Variants in PDE9A observed in about 807,000 individuals in gnomAD.
The protein encoded by PDE9A is high affinity cGMP-specific 3',5'-cyclic phosphodiesterase 9A.
Under a neutral mutation model 87.4 loss-of-function variants are expected in PDE9A, and 60 were observed. The ratio of observed to expected loss-of-function variants is 0.69; its 90% confidence interval spans 0.56 to 0.85. The LOEUF is 0.85. PDE9A is among the 40% of genes least tolerant of loss of function. The pLI, the probability that PDE9A is intolerant of heterozygous loss-of-function variation, is 0.00. For missense variants in PDE9A, 665 were observed against 779.0 expected (o/e 0.85, Z 1.74); for synonymous variants, 272 against 279.4 (o/e 0.97, Z 0.27).
At chr21:42,691,007 C>A (rs991774211) in intron 3 of PDE9A, among the ~76,000 whole-genome samples, 3 of 151,540 alleles carry the variant, frequency 2.0e-5, no homozygotes, top group African/African-American at 7.3e-5. Flanking sequence ...CCTTCACTAT[C>A]ACCATCCAAA....
chr21:42,654,100 G>GT (rs917979897), intron 1 of PDE9A, among the ~76,000 whole-genome samples: 14 of 152,132 alleles, frequency 9.2e-5, no homozygotes, highest in African/African-American at 3.1e-4. Context: ...GCGGGCTAGT[G>GT]TTTCCGTTTC....
chr21:42,676,512 T>C (rs1271262129), intron 1 of PDE9A, among the ~76,000 whole-genome samples: 2 of 152,234 alleles, frequency 1.3e-5, no homozygotes, highest in African/African-American at 4.8e-5. Flanking sequence ...GAATATTATA[T>C]AAATGGGATT....
chr21:42,719,009 G>A (rs1178496426), intron 4 of PDE9A, among the ~76,000 whole-genome samples: 1 of 150,598 alleles, frequency 6.6e-6, no homozygotes, highest in Non-Finnish European at 1.5e-5. Flanking sequence ...TGACCCTTCT[G>A]TGGTTTTAGT....
chr21:42,728,445 T>C (rs2051366859), intron 4 of PDE9A, among the ~76,000 whole-genome samples: 1 of 152,218 alleles, frequency 6.6e-6, no homozygotes, highest in Non-Finnish European at 1.5e-5. Context: ...ATGAATTAGT[T>C]AATATGATCA....
rs1156647370 is a variant in PDE9A at position 42,658,170 on chromosome 21, T to G, written c.69+4287T>G. On this transcript the variant is annotated intron_variant, in intron 1 of 19. Transcript: ENST00000291539. ...TCTGCCCAGGCCTTCTCGTGATGCT[T>G]CCACCCAGCCTGGTCCTGGCACCCA... Among the ~76,000 whole-genome samples the G allele has an allele frequency of 1.3e-5, 2 of 152,090 alleles. 1 individual carries two copies. Among genetic ancestry groups the G allele is most frequent in the Non-Finnish European group, 2.9e-5 (2 of 67,992 alleles).
At chr21:42,697,189 C>A (rs78011957) in intron 3 of PDE9A, among the ~76,000 whole-genome samples, 1 of 152,096 alleles carries the variant, frequency 6.6e-6, no homozygotes, top group Non-Finnish European at 1.5e-5. Flanking sequence ...TCCACAGTGC[C>A]CGGCTCTCCC....
In PDE9A at chr21:42,768,666, A is replaced by T. The variant is rs2056626590; in HGVS notation, c.1462-361A>T. The T allele has an allele frequency of 5.1e-6, 5 of 985,344 alleles. No individual in the cohort carries two copies. In the East Asian group the frequency reaches 4.5e-4, roughly 89 times the overall value. 61.0% of individuals were successfully genotyped at this position (985,344 alleles called of 1,614,324 possible). A position where few individuals can be genotyped will look rare whatever the true frequency, so the allele number is the denominator to read the frequency against. The stretch of plus-strand genomic sequence containing the variant: ...CAGCTCACACAGATGGCCACGGGGA[A>T]GGTCGGGGACATAGAAAACCAAGCC... On this transcript the variant is annotated intron_variant, in intron 16 of 19. Transcript: ENST00000291539.
chr21:42,661,474 G>T (rs570592990), intron 1 of PDE9A, among the ~76,000 whole-genome samples: 1 of 135,550 alleles, frequency 7.4e-6, no homozygotes, highest in South Asian at 2.6e-4. Context: ...CCTCACAGAA[G>T]TGGAATCACA....
chr21:42,750,970 A>G (rs2054356260), intron 8 of PDE9A, 146 bp from the exon 9 acceptor site: 5 of 678,776 alleles, frequency 7.4e-6, no homozygotes, highest in Non-Finnish European at 1.1e-5. Flanking sequence ...GCTTCGAGTG[A>G]GTTGCTGCTG....
chr21:42,662,676 G>A (rs1290783239), intron 1 of PDE9A, among the ~76,000 whole-genome samples: 5 of 110,414 alleles, frequency 4.5e-5, no homozygotes, highest in African/African-American at 1.1e-4. Flanking sequence ...CCACGCACAC[G>A]CACTGCACAC....
chr21:42,670,804 C>T (rs943309569), intron 1 of PDE9A, among the ~76,000 whole-genome samples: 2 of 152,144 alleles, frequency 1.3e-5, no homozygotes, highest in South Asian at 2.1e-4. Context: ...CATTCACTCA[C>T]ACATACATTC....
intron 3 of PDE9A, among the ~76,000 whole-genome samples, chr21:42,691,478 C>G (rs1194229489): frequency 6.6e-6 from 1 of 151,742 alleles, no homozygotes; most frequent in African/African-American, 2.4e-5. Flanking sequence ...AGTACCACCA[C>G]CATCCAAAAT....
rs1005126173 is a variant in PDE9A, at chr21:42,704,992, A to C, written c.262+5981A>C. 1.2e-4 allele frequency among the ~76,000 whole-genome samples: 18 copies of C among 152,258 alleles called. No homozygotes were observed. Among genetic ancestry groups the C allele is most frequent in the African/African-American group, 4.1e-4 (17 of 41,472 alleles). On this transcript the variant is annotated intron_variant, in intron 4 of 19. Transcript: ENST00000291539. This position sits in a 1 kb window ranked among gnomAD's most constrained non-coding sequence, Gnocchi z 5.3. ...CGTGACTTTTCATAGAAAAGGGAGA[A>C]TAGGCCAGCCCTGGCCTGGGTCCAC... is the stretch of plus-strand genomic sequence containing the variant.
intron 15 of PDE9A, among the ~76,000 whole-genome samples, chr21:42,765,854 G>A (rs1232951675): frequency 1.3e-5 from 2 of 152,168 alleles, no homozygotes; most frequent in African/African-American, 4.8e-5. Context: ...CCTATGTGGG[G>A]GCAACTCCAA....
At chr21:42,670,723 TCACATACACC>T (rs2058505963) in intron 1 of PDE9A, among the ~76,000 whole-genome samples, 1 of 149,606 alleles carries the variant, frequency 6.7e-6, no homozygotes, top group African/African-American at 2.5e-5. Flanking sequence ...ACACTCACAG[TCACATACACC>T]CACATTCACA....
chr21:42,702,554 C>G lies in PDE9A; in HGVS notation c.262+3543C>G, dbSNP rs901008952. ...ATGGAATGCTGATCACAGGAATGCA[C>G]GCTGGTTCATCATCTGGTTTTGTTT... On this transcript the variant is annotated intron_variant, in intron 4 of 19. Transcript: ENST00000291539. This position sits in a 1 kb window ranked among gnomAD's most constrained non-coding sequence, Gnocchi z 4.9. 6.6e-6 allele frequency among the ~76,000 whole-genome samples: 1 copy of G among 152,152 alleles called. No homozygotes were observed. The highest frequency in any genetic ancestry group is 2.4e-5 in the African/African-American group (1 of 41,428).
chr21:42,680,622 G>A (rs546927179), intron 1 of PDE9A, among the ~76,000 whole-genome samples: 2 of 152,334 alleles, frequency 1.3e-5, no homozygotes, highest in African/African-American at 2.4e-5. Context: ...GCCATGGCCC[G>A]TACCAACCGT....
chr21:42,735,196 C>T (rs2052270339), intron 7 of PDE9A, among the ~76,000 whole-genome samples: 1 of 152,194 alleles, frequency 6.6e-6, no homozygotes, highest in African/African-American at 2.4e-5. Context: ...CGTCTCTGAG[C>T]CCCAGATGCG....
chr21:42,734,871 C>T (rs529392625), intron 7 of PDE9A, among the ~76,000 whole-genome samples: 19 of 152,304 alleles, frequency 1.2e-4, no homozygotes, highest in African/African-American at 3.4e-4. Context: ...GGGACTGGCA[C>T]CCAGGGTCCT....
Sources: allele counts gnomAD v4.1 joint callset (sites outside exome capture counted in the v4.1 genomes callset), GRCh38; gene constraint gnomAD v4.1.1; non-coding constraint Gnocchi (gnomAD v3.1); transcripts MANE v1.5; gene names NCBI Gene and HGNC (gene_info 2026-07-23, HGNC 2026-07-21).